Variants in ADAMTSL3 observed in about 807,000 individuals in gnomAD.
The protein encoded by ADAMTSL3 is ADAMTS-like protein 3.
ADAMTSL3 carries 128 observed loss-of-function variants against 201.7 expected under a neutral mutation model. The observed-to-expected ratio is 0.63, with a 90% CI of 0.55 to 0.73. The LOEUF (loss-of-function observed/expected upper bound fraction) is 0.73, where lower values mean the gene tolerates loss of function less well. ADAMTSL3 is among the 30% of genes least tolerant of loss of function. The pLI is 0.00. For synonymous variants in ADAMTSL3, 738 were observed against 748.4 expected, an observed-to-expected ratio of 0.99 and a Z score of 0.23; for missense variants, 1,990 against 2,119.6, an observed-to-expected ratio of 0.94 and a Z score of 1.20.
intron 20 of ADAMTSL3, among the ~76,000 whole-genome samples, chr15:83,978,721 C>T (rs1042590168): frequency 6.6e-6 from 1 of 152,232 alleles, no homozygotes; most frequent in South Asian, 2.1e-4. Flanking sequence ...CTGGAATCCC[C>T]GTTTACTCCC....
At chr15:83,985,383 AAT>A (rs139684696) in intron 21 of ADAMTSL3, among the ~76,000 whole-genome samples, 18 of 150,318 alleles carry the variant, frequency 1.2e-4, no homozygotes, top group African/African-American at 1.5e-4. Flanking sequence ...TCATTTAAAA[AAT>A]ATATATATAT....
At position 84,039,742 on chromosome 15, in the gene ADAMTSL3, T is replaced by C. The variant is rs769585579; in HGVS notation, c.*1936T>C. ...ATTGACATTCCTGTGTACTGTATTT[T>C]ACTACTGTTTTTATAACATGAGAGT... On this transcript the variant is annotated 3_prime_UTR_variant, in exon 30 of 30. Transcript: ENST00000286744. 1 of 152,686 alleles carries C rather than the reference T, an allele frequency of 6.5e-6. No homozygotes were observed. Among genetic ancestry groups the C allele is most frequent in the Non-Finnish European group, 1.5e-5 (1 of 68,044 alleles). The allele number at this position is 152,686 out of a possible 1,614,324, so 9.5% of individuals were successfully genotyped here.
chr15:83,773,674 C>T (rs2063024293), intron 4 of ADAMTSL3, 24 bp downstream of exon 4: 1 of 1,599,884 alleles, frequency 6.3e-7, no homozygotes, highest in South Asian at 1.1e-5. Flanking sequence ...TCACTTGCTC[C>T]TGCATGTGGA....
intron 3 of ADAMTSL3, among the ~76,000 whole-genome samples, chr15:83,763,389 T>C (rs2062839254): frequency 6.6e-6 from 1 of 151,962 alleles, no homozygotes; most frequent in Admixed American, 6.5e-5. Context: ...TATTTTATTT[T>C]CCTGAGAAGT....
In ADAMTSL3 at chr15:83,758,344, G is replaced by A. The variant is rs190952586; in HGVS notation, c.190-15179G>A. 3.3e-5 allele frequency among the ~76,000 whole-genome samples: 5 copies of A among 152,250 alleles called. No homozygotes were observed. In the South Asian group the frequency reaches 8.3e-4, roughly 25 times the overall value. Reference sequence around the variant, plus strand: ...TGGCAGGCAAAGAGAGAATGTGTGCGGGGAAAATCCCCTTTATAAAACTGT... The same window carrying A: ...TGGCAGGCAAAGAGAGAATGTGTGCAGGGAAAATCCCCTTTATAAAACTGT... On this transcript the variant is annotated intron_variant, in intron 3 of 29. Transcript: ENST00000286744.
At chr15:83,917,953 A>G (rs1260012769) in intron 16 of ADAMTSL3, among the ~76,000 whole-genome samples, 1 of 152,234 alleles carries the variant, frequency 6.6e-6, no homozygotes, top group Non-Finnish European at 1.5e-5. Context: ...TTTATAATAT[A>G]ATAATAGAGC....
intron 17 of ADAMTSL3, among the ~76,000 whole-genome samples, chr15:83,937,678 C>T (rs944024185): frequency 2.6e-4 from 39 of 150,898 alleles, no homozygotes; most frequent in African/African-American, 8.4e-4. Flanking sequence ...ATTATCATTA[C>T]GTATGTTAAA....
intron 13 of ADAMTSL3, among the ~76,000 whole-genome samples, chr15:83,897,128 T>G (rs1295312439): frequency 6.6e-6 from 1 of 152,068 alleles, no homozygotes; most frequent in Non-Finnish European, 1.5e-5. Context: ...TCATAACAGA[T>G]AAATTTGAAA....
chr15:83,851,236 C>G (rs2064606237), intron 7 of ADAMTSL3, among the ~76,000 whole-genome samples: 1 of 152,108 alleles, frequency 6.6e-6, no homozygotes. Flanking sequence ...AGGAGATGAT[C>G]CTTATAGGCT....
At chr15:83,748,352 A>T (rs1424899640) in intron 3 of ADAMTSL3, among the ~76,000 whole-genome samples, 1 of 152,162 alleles carries the variant, frequency 6.6e-6, no homozygotes, top group Non-Finnish European at 1.5e-5. Flanking sequence ...GTTCTTAGGG[A>T]TACAGAGTAG....
At chr15:83,783,910 T>G (rs1220428527) in intron 4 of ADAMTSL3, among the ~76,000 whole-genome samples, 1 of 151,100 alleles carries the variant, frequency 6.6e-6, no homozygotes, top group African/African-American at 2.4e-5. Flanking sequence ...TGGATTAGAG[T>G]CAAAGTTTGA....
intron 6 of ADAMTSL3, among the ~76,000 whole-genome samples, chr15:83,831,182 G>T (rs1267887166): frequency 6.6e-6 from 1 of 151,988 alleles, no homozygotes; most frequent in African/African-American, 2.4e-5. Context: ...CCTTTCATAA[G>T]GACACCTTCC....
chr15:83,804,666 A>G lies in ADAMTSL3; in HGVS notation c.334A>G (p.Asn112Asp). 3 of 1,588,466 alleles carry G rather than the reference A, an allele frequency of 1.9e-6. No homozygotes were observed. The highest frequency in any genetic ancestry group is 2.6e-6 in the Non-Finnish European group (3 of 1,167,996). The change falls in exon 5 of 30, where the codon AAC (asparagine) becomes GAC (aspartate). Residue 112 changes from asparagine (N) to aspartate (D), a missense_variant. Transcript: ENST00000286744. ...TTCCTTTAGGAATTGTGAAGGGCAG[A>G]ACATTCGGTACAAGACATGCAGCAA... ...CLTGRNCEGQ[N>D]IRYKTCSNHD...
At chr15:83,741,113 C>G (rs1156583110) in intron 3 of ADAMTSL3, among the ~76,000 whole-genome samples, 2 of 151,748 alleles carry the variant, frequency 1.3e-5, no homozygotes, top group African/African-American at 4.8e-5. Context: ...ACTGAAACAT[C>G]AAAGATAGCA....
At chr15:83,990,201 C>A (rs1246358451) in intron 22 of ADAMTSL3, among the ~76,000 whole-genome samples, 4 of 152,100 alleles carry the variant, frequency 2.6e-5, no homozygotes, top group African/African-American at 9.7e-5. Flanking sequence ...CCCAAGCACA[C>A]ATATAGCTTA....
chr15:83,660,148 A>G (rs1411247281), intron 2 of ADAMTSL3, among the ~76,000 whole-genome samples: 3 of 152,170 alleles, frequency 2.0e-5, no homozygotes, highest in African/African-American at 7.2e-5. Flanking sequence ...GTGCAATCAT[A>G]GGGGCTGAGA....
intron 23 of ADAMTSL3, among the ~76,000 whole-genome samples, chr15:84,004,948 T>C (rs913898368): frequency 1.3e-5 from 2 of 152,174 alleles, no homozygotes; most frequent in African/African-American, 4.8e-5. Context: ...GTGACTCCCC[T>C]AAATTGAAAA....
chr15:83,956,484 A>G (rs767955914), intron 19 of ADAMTSL3, among the ~76,000 whole-genome samples: 9 of 152,182 alleles, frequency 5.9e-5, no homozygotes, highest in East Asian at 1.9e-4. Flanking sequence ...GGGATGATCA[A>G]TGTAGCCTTC....
chr15:83,669,136 G>A (rs2061288852), intron 2 of ADAMTSL3, among the ~76,000 whole-genome samples: 1 of 152,122 alleles, frequency 6.6e-6, no homozygotes, highest in Admixed American at 6.5e-5. Context: ...TCTGTGTGTT[G>A]GAGGAGTGAG....
Sources: gnomAD v4.1 joint callset for allele counts (sites outside exome capture counted in the v4.1 genomes callset) on GRCh38, gnomAD v4.1.1 for gene constraint, MANE v1.5 for transcripts, NCBI Gene and HGNC (gene_info 2026-07-23, HGNC 2026-07-21) for gene names.